Variants in DIS3L2 observed in about 807,000 individuals in gnomAD.
The protein encoded by DIS3L2 is DIS3-like exonuclease 2.
In DIS3L2, 34 loss-of-function variants were observed where a neutral mutation model predicts 97.5. The observed-to-expected ratio is 0.35, with a 90% CI of 0.27 to 0.46. DIS3L2 has a LOEUF of 0.46. Ranked by LOEUF, DIS3L2 falls within the 20% of genes least tolerant of loss-of-function variation. DIS3L2 has a pLI of 1.00. For missense variants in DIS3L2, 1,038 were observed against 1,146.0 expected (o/e 0.91, Z 1.36); for synonymous variants, 435 against 445.2 (o/e 0.98, Z 0.29).
intron 9 of DIS3L2, among the ~76,000 whole-genome samples, chr2:232,204,454 G>A (rs1329945542): frequency 6.6e-6 from 1 of 152,124 alleles, no homozygotes; most frequent in Admixed American, 6.5e-5. Flanking sequence ...TCTTTAAAAA[G>A]TTCTTCTAAG....
chr2:232,265,620 A>C (rs1373819111), intron 13 of DIS3L2, among the ~76,000 whole-genome samples: 1 of 152,270 alleles, frequency 6.6e-6, no homozygotes, highest in Non-Finnish European at 1.5e-5. Flanking sequence ...ACTAAATATC[A>C]GGGAAACCGA....
At chr2:232,260,607 C>T (rs187747651) in intron 12 of DIS3L2, 3 of 152,318 alleles carry the variant, frequency 2.0e-5, no homozygotes, top group African/African-American at 7.2e-5. Flanking sequence ...AGAATAGTTT[C>T]AGGATTTTTT....
chr2:232,146,325 G>A (rs1020222463), intron 8 of DIS3L2, among the ~76,000 whole-genome samples: 1 of 152,144 alleles, frequency 6.6e-6, no homozygotes, highest in African/African-American at 2.4e-5. Flanking sequence ...GGAGGGAAAG[G>A]GAAGTTTGCT....
intron 13 of DIS3L2, among the ~76,000 whole-genome samples, chr2:232,297,720 T>G (rs1694757128): frequency 1.0e-5 from 1 of 97,994 alleles, no homozygotes; most frequent in South Asian, 3.4e-4. Flanking sequence ...TTTTTTTTTT[T>G]GAGACAGACT....
At chr2:232,050,384 G>A (rs561113580) in intron 5 of DIS3L2, among the ~76,000 whole-genome samples, 9 of 151,706 alleles carry the variant, frequency 5.9e-5, no homozygotes, top group Non-Finnish European at 1.0e-4. Context: ...TGATTCTCCT[G>A]CCTCAGCCTC....
At chr2:232,032,714 G>T (rs1413130785) in intron 5 of DIS3L2, among the ~76,000 whole-genome samples, 1 of 152,146 alleles carries the variant, frequency 6.6e-6, no homozygotes, top group Non-Finnish European at 1.5e-5. Flanking sequence ...CATATGGCTA[G>T]CTAGTTTTCC....
chr2:232,235,402 T>C (rs1692907100), intron 10 of DIS3L2, among the ~76,000 whole-genome samples: 1 of 152,236 alleles, frequency 6.6e-6, no homozygotes, highest in Non-Finnish European at 1.5e-5. Context: ...GTTCACATTA[T>C]GTAAACATAT....
At chr2:232,135,251 C>G (rs967525191) in intron 7 of DIS3L2, among the ~76,000 whole-genome samples, 2 of 151,798 alleles carry the variant, frequency 1.3e-5, no homozygotes, top group African/African-American at 4.8e-5. Context: ...AACCAGGAGG[C>G]CAGGAGATGA....
intron 5 of DIS3L2, among the ~76,000 whole-genome samples, chr2:232,077,945 TTCTTTCTTTC>T (rs770479996): frequency 1.4e-3 from 213 of 148,128 alleles, no homozygotes; most frequent in Non-Finnish European, 2.5e-3. Context: ...TTCTTTCTTT[TTCTTTCTTTC>T]TCTTTCTTTC....
chr2:232,120,942 C>T lies in DIS3L2; in HGVS notation c.602-9677C>T, dbSNP rs1396694748. Reference sequence around the variant, plus strand: ...CCTAATTGTGCCCACTTCAACCACACCTTCTTTACTGGTTCCTTCCCATCA... The same window carrying T: ...CCTAATTGTGCCCACTTCAACCACATCTTCTTTACTGGTTCCTTCCCATCA... On this transcript the variant is annotated intron_variant, in intron 6 of 20. Coordinates refer to ENST00000325385, the MANE Select transcript of DIS3L2 (RefSeq NM_152383.5). Among the ~76,000 whole-genome samples, 3 of 152,150 alleles carry T rather than the reference C, an allele frequency of 2.0e-5. No homozygotes were observed. In the East Asian group the frequency reaches 5.8e-4, roughly 29 times the overall value.
intron 8 of DIS3L2, among the ~76,000 whole-genome samples, chr2:232,143,228 G>T (rs1264158847): frequency 6.6e-6 from 1 of 152,178 alleles, no homozygotes; most frequent in East Asian, 1.9e-4. Flanking sequence ...TATCACCCAG[G>T]ATAGTAGATC....
rs1360990464 is a variant in DIS3L2, at chr2:232,276,641, A to G, written c.1659+13201A>G. 6.6e-6 allele frequency among the ~76,000 whole-genome samples: 1 copy of G among 152,160 alleles called. No individual in the cohort carries two copies. Among genetic ancestry groups the G allele is most frequent in the Non-Finnish European group, 1.5e-5 (1 of 68,038 alleles). On this transcript the variant is annotated intron_variant, in intron 13 of 20. Transcript: ENST00000325385. The surrounding 1 kb of genome is among the most constrained non-coding windows in gnomAD (Gnocchi z 4.4). Reference sequence around the variant, plus strand: ...TCCTGTTGCTACCAGCTTCCAGTCAATGACTGTTTATTTGAACATCTCCTG... The same window carrying G: ...TCCTGTTGCTACCAGCTTCCAGTCAGTGACTGTTTATTTGAACATCTCCTG...
At chr2:232,111,018 A>G (rs1697510981) in intron 6 of DIS3L2, among the ~76,000 whole-genome samples, 1 of 152,246 alleles carries the variant, frequency 6.6e-6, no homozygotes, top group African/African-American at 2.4e-5. Context: ...AGAAGCTCTA[A>G]TTAACAGTTA....
At chr2:232,049,777 A>G (rs974417118) in intron 5 of DIS3L2, among the ~76,000 whole-genome samples, 5 of 152,098 alleles carry the variant, frequency 3.3e-5, no homozygotes, top group Non-Finnish European at 7.4e-5. Flanking sequence ...TATCATCTTC[A>G]GTATTGGTTG....
intron 5 of DIS3L2, among the ~76,000 whole-genome samples, chr2:232,086,888 G>C (rs1696672356): frequency 6.6e-6 from 1 of 151,378 alleles, no homozygotes; most frequent in South Asian, 2.1e-4. Flanking sequence ...CACCGTGTTA[G>C]CCAGGATGGT....
chr2:231,963,438 G>T (rs1200364048), intron 1 of DIS3L2, among the ~76,000 whole-genome samples: 1 of 151,556 alleles, frequency 6.6e-6, no homozygotes, highest in Non-Finnish European at 1.5e-5. Context: ...TTTTAAAAAT[G>T]GGCTTATTTG....
At chr2:232,319,874 G>A (rs1695377183) in intron 14 of DIS3L2, among the ~76,000 whole-genome samples, 2 of 152,224 alleles carry the variant, frequency 1.3e-5, no homozygotes, top group Admixed American at 6.5e-5. Context: ...TCTGACTTAC[G>A]ATTGACCCAG....
chr2:232,329,966 C>G lies in DIS3L2; in HGVS notation c.1893C>G (p.Pro631=), dbSNP rs539154783. 1 of 1,612,464 alleles carries G rather than the reference C, an allele frequency of 6.2e-7. No individual in the cohort carries two copies. The highest frequency in any genetic ancestry group is 1.3e-5 in the African/African-American group (1 of 75,038). Residue 631 remains proline (P), a synonymous_variant, in exon 15 of 21, where the codon CCC becomes CCG. Coordinates refer to ENST00000325385, the MANE Select transcript of DIS3L2 (RefSeq NM_152383.5). The stretch of plus-strand genomic sequence containing the variant: ...AATTCTGCGACCAGATGGGGCTGCC[C>G]GTGGACTTCAGCTCCGCAGGAGCCC... ...LVEFCDQMGL[P]VDFSSAGALN...
intron 6 of DIS3L2, among the ~76,000 whole-genome samples, chr2:232,092,087 G>A (rs769011728): frequency 3.0e-4 from 45 of 152,144 alleles, no homozygotes; most frequent in Non-Finnish European, 1.2e-4. Flanking sequence ...GAAGAGATAG[G>A]AGTCTAGTTT....
Sources: allele counts gnomAD v4.1 joint callset (sites outside exome capture counted in the v4.1 genomes callset), GRCh38; gene constraint gnomAD v4.1.1; non-coding constraint Gnocchi (gnomAD v3.1); transcripts MANE v1.5; gene names NCBI Gene and HGNC (gene_info 2026-07-23, HGNC 2026-07-21).